CADPS2: variants seen among roughly 807,000 people sequenced by gnomAD.
CADPS2 encodes the protein calcium-dependent secretion activator 2.
In CADPS2, 93 loss-of-function variants were observed where a neutral mutation model predicts 172.5. The ratio of observed to expected loss-of-function variants is 0.54; its 90% CI spans 0.46 to 0.64. The LOEUF is 0.64. Ranked by LOEUF, CADPS2 falls within the 30% of genes least tolerant of loss-of-function variation. The pLI is 0.00. For synonymous variants in CADPS2, 546 were observed against 555.2 expected (o/e 0.98, Z 0.23); for missense variants, 1,420 against 1,565.9 (o/e 0.91, Z 1.57).
At chr7:122,819,802 C>T (rs2140334142) in intron 1 of CADPS2, among the ~76,000 whole-genome samples, 1 of 152,150 alleles carries the variant, frequency 6.6e-6, no homozygotes, top group South Asian at 2.1e-4. Context: ...TTGTATCCCC[C>T]CACCTTAATT....
chr7:122,358,254 G>T (rs1036819780), intron 27 of CADPS2, among the ~76,000 whole-genome samples: 2 of 152,048 alleles, frequency 1.3e-5, no homozygotes, highest in African/African-American at 4.8e-5. Context: ...AGCTTACTTG[G>T]TATCTGCATA....
intron 1 of CADPS2, among the ~76,000 whole-genome samples, chr7:122,826,587 A>T (rs1804943614): frequency 6.6e-6 from 1 of 152,218 alleles, no homozygotes; most frequent in Non-Finnish European, 1.5e-5. Flanking sequence ...AGCCTCAGCA[A>T]AGGAAAAGAA....
chr7:122,668,260 G>T (rs2135486146), intron 2 of CADPS2, among the ~76,000 whole-genome samples: 1 of 151,922 alleles, frequency 6.6e-6, no homozygotes, highest in South Asian at 2.1e-4. Context: ...TTTTACTGGG[G>T]TGTCTAGATT....
intron 22 of CADPS2, among the ~76,000 whole-genome samples, chr7:122,392,020 T>C (rs1379176936): frequency 6.6e-6 from 1 of 152,080 alleles, no homozygotes; most frequent in African/African-American, 2.4e-5. Flanking sequence ...TGATATGAGG[T>C]TGTTATAAAG....
At position 122,777,608 on chromosome 7, in the gene CADPS2, A is replaced by G. The variant is rs573757666; in HGVS notation, c.340-40540T>C. Among the ~76,000 whole-genome samples, 5 of 152,218 alleles carry G rather than the reference A, an allele frequency of 3.3e-5. No homozygotes were observed. In the South Asian group the frequency reaches 1.0e-3, roughly 32 times the overall value. ...GAGGGAACTGGTGGGAGGTAAGTGAATCATGGAGGTGGTTACCTCCATGCT... is the reference window on the plus strand; with the variant it reads ...GAGGGAACTGGTGGGAGGTAAGTGAGTCATGGAGGTGGTTACCTCCATGCT... On this transcript the variant is annotated intron_variant, in intron 1 of 29. Coordinates refer to ENST00000449022, the MANE Select transcript of CADPS2 (RefSeq NM_017954.11).
intron 1 of CADPS2, among the ~76,000 whole-genome samples, chr7:122,791,331 TAC>T (rs1175089130): frequency 6.6e-6 from 1 of 152,148 alleles, no homozygotes; most frequent in Non-Finnish European, 1.5e-5. Flanking sequence ...TTTTGAAAGA[TAC>T]ACACACACAC....
intron 1 of CADPS2, among the ~76,000 whole-genome samples, chr7:122,815,261 T>C (rs1301985537): frequency 6.6e-6 from 1 of 152,192 alleles, no homozygotes; most frequent in Non-Finnish European, 1.5e-5. Flanking sequence ...AAAGCTCATC[T>C]ACTAGAGATG....
At chr7:122,452,713 G>C (rs2152048248) in intron 14 of CADPS2, among the ~76,000 whole-genome samples, 1 of 152,132 alleles carries the variant, frequency 6.6e-6, no homozygotes. Context: ...TTTCTCTAAA[G>C]ATTATATTTT....
intron 1 of CADPS2, among the ~76,000 whole-genome samples, chr7:122,781,960 G>A: frequency 6.6e-6 from 1 of 152,014 alleles, no homozygotes; most frequent in East Asian, 1.9e-4. Flanking sequence ...TTTCATCTAA[G>A]GACATGAAAT....
chr7:122,775,502 A>C (rs962220544), intron 1 of CADPS2, among the ~76,000 whole-genome samples: 4 of 152,224 alleles, frequency 2.6e-5, no homozygotes, highest in Non-Finnish European at 4.4e-5. Flanking sequence ...TAAAGGAGCT[A>C]CTAGCAAATC....
At chr7:122,884,907 A>T (rs138105963) in intron 1 of CADPS2, among the ~76,000 whole-genome samples, 15 of 152,284 alleles carry the variant, frequency 9.9e-5, no homozygotes, top group African/African-American at 3.4e-4. Flanking sequence ...TTATAGTTGA[A>T]GTCAACTCAA....
intron 2 of CADPS2, among the ~76,000 whole-genome samples, chr7:122,686,743 G>A (rs576209126): frequency 3.9e-4 from 53 of 137,206 alleles, no homozygotes; most frequent in African/African-American, 1.4e-3. Context: ...GGTGTGCAGT[G>A]GCACAATCTC....
At chr7:122,692,817 G>A (rs55966925) in intron 2 of CADPS2, among the ~76,000 whole-genome samples, 7,134 of 151,748 alleles carry the variant, frequency 0.047, 568 homozygotes, top group African/African-American at 0.17. Flanking sequence ...CCCATCCACA[G>A]CTCTCACGCA....
At chr7:122,549,435 T>G (rs899605084) in intron 8 of CADPS2, among the ~76,000 whole-genome samples, 5 of 151,956 alleles carry the variant, frequency 3.3e-5, no homozygotes, top group Non-Finnish European at 5.9e-5. Context: ...CTCAAGACAT[T>G]CGTGTGATTG....
At chr7:122,629,431 T>C (rs1323289680) in intron 3 of CADPS2, 103 bp from the exon 4 acceptor site, 3 of 654,992 alleles carry the variant, frequency 4.6e-6, no homozygotes, top group Non-Finnish European at 7.1e-6. Context: ...ATTAAATGAC[T>C]GAAAAATGTT....
chr7:122,450,521 CT>C (rs11422329), intron 15 of CADPS2, among the ~76,000 whole-genome samples: 1,416 of 79,072 alleles, frequency 0.018, 1 homozygote, highest in Non-Finnish European at 0.029. Context: ...TATTGGTGGC[CT>C]TTTTTTTTTT....
In CADPS2 at chr7:122,581,310, A is replaced by T; in HGVS notation, c.1224-20T>A. On this transcript the variant is annotated intron_variant, in intron 6 of 29. Coordinates refer to ENST00000449022, the MANE Select transcript of CADPS2 (RefSeq NM_017954.11). The stretch of plus-strand genomic sequence containing the variant: ...CCCCATCTGTAATGAAGTAAAAAAA[A>T]TGTTTCTTAAAATGCAGCATTATTT... 6.3e-7 allele frequency: 1 copy of T among 1,588,240 alleles called. No homozygotes were observed. Among genetic ancestry groups the T allele is most frequent in the Non-Finnish European group, 8.6e-7 (1 of 1,157,542 alleles).
intron 7 of CADPS2, among the ~76,000 whole-genome samples, chr7:122,564,542 C>T (rs769067336): frequency 2.6e-5 from 4 of 151,982 alleles, no homozygotes; most frequent in East Asian, 3.9e-4. Context: ...CTCCTAACCT[C>T]GTGATCCACC....
At chr7:122,660,556 T>C (rs905612285) in intron 3 of CADPS2, among the ~76,000 whole-genome samples, 10 of 151,416 alleles carry the variant, frequency 6.6e-5, no homozygotes, top group African/African-American at 1.7e-4. Context: ...ACCTTAAATA[T>C]GAATGGCCTA....
Sources: gnomAD v4.1 joint callset for allele counts (sites outside exome capture counted in the v4.1 genomes callset) on GRCh38, gnomAD v4.1.1 for gene constraint, MANE v1.5 for transcripts, NCBI Gene and HGNC (gene_info 2026-07-23, HGNC 2026-07-21) for gene names.